PITPNC1: variants seen among roughly 807,000 people sequenced by gnomAD.
The protein encoded by PITPNC1 is cytoplasmic phosphatidylinositol transfer protein 1.
A neutral mutation model predicts 44.7 loss-of-function variants in PITPNC1; 18 were observed. That is an observed-to-expected ratio of 0.40 (90% CI 0.28 to 0.60). PITPNC1 has a LOEUF of 0.60. Ranked by LOEUF, PITPNC1 falls within the 20% of genes least tolerant of loss-of-function variation. The probability of loss-of-function intolerance (pLI) is 0.39; values close to 1 mark genes in which losing one functional copy is unlikely to be tolerated. For synonymous variants in PITPNC1, 141 were observed against 149.6 expected (o/e 0.94, Z 0.42); for missense variants, 290 against 418.4 (o/e 0.69, Z 2.68).
chr17:67,655,846 C>T (rs2042260328), intron 6 of PITPNC1, among the ~76,000 whole-genome samples: 1 of 152,090 alleles, frequency 6.6e-6, no homozygotes, highest in Non-Finnish European at 1.5e-5. Flanking sequence ...GAGAGGATCA[C>T]TTGAGCCCAG....
At chr17:67,498,931 G>A (rs767176480) in intron 1 of PITPNC1, among the ~76,000 whole-genome samples, 4 of 150,208 alleles carry the variant, frequency 2.7e-5, no homozygotes, top group African/African-American at 7.4e-5. Context: ...GAATGCAGTA[G>A]CACGATCACG....
At chr17:67,623,051 A>T (rs980913012) in intron 5 of PITPNC1, among the ~76,000 whole-genome samples, 2 of 143,726 alleles carry the variant, frequency 1.4e-5, no homozygotes, top group African/African-American at 5.1e-5. Context: ...TGCTGGCTGA[A>T]CCTGTACTTT....
intron 2 of PITPNC1, among the ~76,000 whole-genome samples, chr17:67,533,832 G>A (rs964568827): frequency 3.9e-5 from 6 of 152,146 alleles, no homozygotes; most frequent in Non-Finnish European, 8.8e-5. Context: ...CAAGCGTGCC[G>A]TTTCTGCTTT....
At chr17:67,441,823 G>A (rs2039016589) in intron 1 of PITPNC1, among the ~76,000 whole-genome samples, 1 of 152,130 alleles carries the variant, frequency 6.6e-6, no homozygotes, top group African/African-American at 2.4e-5. Flanking sequence ...GTATGAAGTA[G>A]GAACTGCACA....
chr17:67,402,955 C>T (rs1758616755), intron 1 of PITPNC1, among the ~76,000 whole-genome samples: 2 of 152,260 alleles, frequency 1.3e-5, no homozygotes, highest in Middle Eastern at 3.4e-3. Context: ...GCGTGAGCCA[C>T]CGCGCCTAGC....
chr17:67,531,539 G>A (rs531287219), intron 1 of PITPNC1, among the ~76,000 whole-genome samples: 3 of 152,274 alleles, frequency 2.0e-5, no homozygotes, highest in South Asian at 4.1e-4. Context: ...TCACACTCCC[G>A]TCCCTGCTCC....
chr17:67,542,018 G>A (rs1338105605), intron 2 of PITPNC1, among the ~76,000 whole-genome samples: 7 of 152,130 alleles, frequency 4.6e-5, no homozygotes, highest in East Asian at 1.9e-4. Flanking sequence ...TCTAATAGGC[G>A]GTTGAACATA....
chr17:67,542,473 T>G (rs1426443150), intron 2 of PITPNC1, among the ~76,000 whole-genome samples: 1 of 152,226 alleles, frequency 6.6e-6, no homozygotes, highest in East Asian at 1.9e-4. Flanking sequence ...TCATAATTCA[T>G]TAAACGAGTA....
At chr17:67,610,010 A>G (rs927112954) in intron 5 of PITPNC1, among the ~76,000 whole-genome samples, 1 of 152,124 alleles carries the variant, frequency 6.6e-6, no homozygotes, top group Non-Finnish European at 1.5e-5. Flanking sequence ...CGTAGACTTC[A>G]AATCTGATCA....
rs536414032 is a variant in PITPNC1, at chr17:67,387,869, T to TC, written c.48+9667_48+9668insC. On this transcript the variant is annotated intron_variant, in intron 1 of 8. Transcript: ENST00000581322. Reference sequence around the variant, plus strand: ...AAAATACTGATACAATCTTTTCACTTATTTTTTTCACACTAAGTCTTTGAA... The same window carrying TC: ...AAAATACTGATACAATCTTTTCACTTCATTTTTTTCACACTAAGTCTTTGAA... Among the ~76,000 whole-genome samples, 194 of 152,308 alleles carry TC rather than the reference T, an allele frequency of 1.3e-3. 1 individual carries two copies. The highest frequency in any genetic ancestry group is 4.5e-3 in the African/African-American group (185 of 41,568).
chr17:67,397,397 A>T (rs2038236375), intron 1 of PITPNC1, among the ~76,000 whole-genome samples: 1 of 152,142 alleles, frequency 6.6e-6, no homozygotes, highest in Non-Finnish European at 1.5e-5. Context: ...CATCTCCAGA[A>T]TGGCCACCTC....
In PITPNC1 at chr17:67,553,965, G is replaced by A. The variant is rs115158004; in HGVS notation, c.294+348G>A. Among the ~76,000 whole-genome samples, 740 of 152,280 alleles carry A rather than the reference G, an allele frequency of 4.9e-3. 8 individuals carry two copies. The highest frequency in any genetic ancestry group is 0.017 in the African/African-American group (697 of 41,538). On this transcript the variant is annotated intron_variant, in intron 4 of 8. Coordinates refer to ENST00000581322, the MANE Select transcript of PITPNC1 (RefSeq NM_012417.4). ...TATTAAAGAGATGATGGTAGTTATC[G>A]ATGGAAGGTGGGGCTTTTACTCATG...
At chr17:67,485,238 G>A (rs1239167281) in intron 1 of PITPNC1, among the ~76,000 whole-genome samples, 1 of 152,126 alleles carries the variant, frequency 6.6e-6, no homozygotes, top group African/African-American at 2.4e-5. Flanking sequence ...CATGAGCGCA[G>A]TGGGAAAAGC....
At chr17:67,468,814 C>T (rs7222027) in intron 1 of PITPNC1, among the ~76,000 whole-genome samples, 59 of 91,198 alleles carry the variant, frequency 6.5e-4, no homozygotes, top group African/African-American at 5.5e-3. Context: ...CTCCTGCCTC[C>T]ACCTCCCAGG....
chr17:67,497,467 T>C (rs2039967991), intron 1 of PITPNC1, among the ~76,000 whole-genome samples: 1 of 140,188 alleles, frequency 7.1e-6, no homozygotes, highest in Non-Finnish European at 1.6e-5. Flanking sequence ...ATTTAGGAAG[T>C]CGTCTTTTTT....
chr17:67,442,936 G>C (rs4790980), intron 1 of PITPNC1, among the ~76,000 whole-genome samples: 33,202 of 151,810 alleles, frequency 0.22, 3,964 homozygotes, highest in East Asian at 0.35. Context: ...TTTACACCTA[G>C]GCAATACCTC....
At chr17:67,628,054 G>T (rs989388184) in intron 5 of PITPNC1, among the ~76,000 whole-genome samples, 3 of 151,428 alleles carry the variant, frequency 2.0e-5, no homozygotes, top group Non-Finnish European at 2.9e-5. Context: ...AGTCTCCTGA[G>T]TACCAGGGTT....
At chr17:67,679,962 T>C (rs915234463) in intron 8 of PITPNC1, among the ~76,000 whole-genome samples, 7 of 152,220 alleles carry the variant, frequency 4.6e-5, no homozygotes, top group African/African-American at 1.7e-4. Flanking sequence ...ACCTCACGAA[T>C]GTCTTTGAAA....
intron 6 of PITPNC1, among the ~76,000 whole-genome samples, chr17:67,646,316 A>G (rs1042574531): frequency 2.6e-5 from 4 of 152,220 alleles, no homozygotes; most frequent in African/African-American, 9.6e-5. Flanking sequence ...CTAGTTATTC[A>G]GACTCCAAAT....
Sources: allele counts gnomAD v4.1 joint callset (sites outside exome capture counted in the v4.1 genomes callset), GRCh38; gene constraint gnomAD v4.1.1; transcripts MANE v1.5; gene names NCBI Gene and HGNC (gene_info 2026-07-23, HGNC 2026-07-21).